GNL2: variants seen among roughly 807,000 people sequenced by gnomAD.
GNL2 encodes the protein G protein nucleolar 2.
A neutral mutation model predicts 92.3 loss-of-function variants in GNL2; 51 were observed. The ratio of observed to expected loss-of-function variants is 0.55; its 90% CI spans 0.44 to 0.70. The LOEUF (loss-of-function observed/expected upper bound fraction) is 0.70, where lower values mean the gene tolerates loss of function less well. Ranked by LOEUF, GNL2 falls within the 30% of genes least tolerant of loss-of-function variation. The probability of loss-of-function intolerance (pLI) is 0.00; values close to 1 mark genes in which losing one functional copy is unlikely to be tolerated. For synonymous variants in GNL2, 283 were observed against 300.6 expected (o/e 0.94, Z 0.61); for missense variants, 844 against 895.6 (o/e 0.94, Z 0.74).
At chr1:37,572,989 T>C (rs1195246607) in intron 12 of GNL2, among the ~76,000 whole-genome samples, 2 of 152,170 alleles carry the variant, frequency 1.3e-5, no homozygotes, top group Non-Finnish European at 1.5e-5. Context: ...CCTGCTGGAA[T>C]ATATGTGCAG....
chr1:37,570,285 A>C (rs1168689321), intron 12 of GNL2: 1 of 152,204 alleles, frequency 6.6e-6, no homozygotes, highest in Non-Finnish European at 1.5e-5. Context: ...TAATCCCAGC[A>C]CTTTGGGAGG....
At chr1:37,569,682 G>C (rs1487178388) in intron 12 of GNL2, 1 of 201,134 alleles carries the variant, frequency 5.0e-6, no homozygotes, top group Non-Finnish European at 1.0e-5. Context: ...GGATGTTACA[G>C]ATGAGAACAG....
intron 8 of GNL2, among the ~76,000 whole-genome samples, chr1:37,579,366 G>A (rs528678625): frequency 2.6e-5 from 4 of 152,070 alleles, no homozygotes; most frequent in South Asian, 4.2e-4. Flanking sequence ...TGACCAACAC[G>A]GAGAAGCCCC....
Position 37,576,588 on chromosome 1 carries a change from T to G in GNL2, c.910-32A>C, listed in dbSNP as rs752111692. On this transcript the variant is annotated intron_variant, in intron 8 of 15. Transcript: ENST00000373062. ...AAAGAGAGAATACACAGCACATACATGCAGTCATATATATCCCTTTGGACA... is the reference window on the plus strand; with the variant it reads ...AAAGAGAGAATACACAGCACATACAGGCAGTCATATATATCCCTTTGGACA... The G allele has an allele frequency of 9.3e-6, 15 of 1,606,942 alleles. No homozygotes were observed. The South Asian group carries it at 1.6e-4, about 17-fold the overall frequency.
At chr1:37,585,716 C>T (rs1280145153) in intron 5 of GNL2, among the ~76,000 whole-genome samples, 1 of 152,222 alleles carries the variant, frequency 6.6e-6, no homozygotes, top group East Asian at 1.9e-4. Flanking sequence ...TGCTTGGCCT[C>T]AAATGGCTTG....
At chr1:37,568,701 G>A (rs903068188) in intron 13 of GNL2, 150 bp downstream of exon 13, 9 of 672,956 alleles carry the variant, frequency 1.3e-5, no homozygotes, top group Admixed American at 2.6e-5. Flanking sequence ...GCAACATAGC[G>A]AGACGCCGTC....
Position 37,574,372 on chromosome 1 carries a change from G to A in GNL2, c.1387C>T (p.Pro463Ser). ...GGGGCCACAAGTGGCTCTGCATTGG[G>A]TGGCTTGACAAAGAAAGGAATCCGG... The part of the protein sequence containing the change: ...RGRIPFFVKP[P>S]NAEPLVAPQL... The change falls in exon 12 of 16, where the codon CCC becomes TCC. Residue 463 changes from proline to serine, a missense_variant. Coordinates refer to ENST00000373062, the MANE Select transcript of GNL2 (RefSeq NM_013285.3). 6.2e-7 allele frequency: 1 copy of A among 1,614,052 alleles called. No homozygotes were observed. The highest frequency in any genetic ancestry group is 8.5e-7 in the Non-Finnish European group (1 of 1,179,976).
rs1398023977 is a variant in GNL2 at position 37,582,784 on chromosome 1, C to G, written c.789G>C (p.Trp263Cys). 6.2e-7 allele frequency: 1 copy of G among 1,611,370 alleles called. No homozygotes were observed. The highest frequency in any genetic ancestry group is 8.5e-7 in the Non-Finnish European group (1 of 1,179,024). ...VLNKCDLVPTWATKRWVAVLS... is the reference protein window; with the variant it reads ...VLNKCDLVPTCATKRWVAVLS... Reference sequence around the variant, plus strand: ...GTTTAGTAGTTGTACTTACTGTTGCCCAGGTTGGAACAAGGTCACATTTGT... The same window carrying G: ...GTTTAGTAGTTGTACTTACTGTTGCGCAGGTTGGAACAAGGTCACATTTGT... The change falls in exon 7 of 16, where the codon TGG becomes TGC. Residue 263 changes from tryptophan (W) to cysteine (C), a missense_variant. Physicochemically the swap from Trp to Cys is radical, Grantham distance 215. Coordinates refer to ENST00000373062, the MANE Select transcript of GNL2 (RefSeq NM_013285.3).
Position 37,590,839 on chromosome 1 carries a change from GTGTTTCC to G in GNL2, c.245-1_250del. On this transcript the variant is annotated splice_acceptor_variant and coding_sequence_variant, in exon 4 of 16. Coordinates refer to ENST00000373062, the MANE Select transcript of GNL2 (RefSeq NM_013285.3). LOFTEE classifies it high-confidence loss of function. ...TAATGATGACTGCTTAATCACACGTGTGTTTCCTGTTTTACAAATAAAGAATGTTGCC... is the reference window on the plus strand; with the variant it reads ...TAATGATGACTGCTTAATCACACGTGTGTTTTACAAATAAAGAATGTTGCC... 6.4e-7 allele frequency: 1 copy of G among 1,565,600 alleles called. No homozygotes were observed. Among genetic ancestry groups the G allele is most frequent in the African/African-American group, 1.4e-5 (1 of 72,440 alleles).
intron 5 of GNL2, among the ~76,000 whole-genome samples, chr1:37,586,110 C>T (rs1018842965): frequency 5.9e-5 from 9 of 152,112 alleles, no homozygotes; most frequent in African/African-American, 2.2e-4. Context: ...TGAGACTGGC[C>T]ATAACAAACA....
chr1:37,576,393 T>C, intron 9 of GNL2, 35 bp downstream of exon 9: 1 of 1,593,752 alleles, frequency 6.3e-7, no homozygotes, highest in African/African-American at 1.3e-5. Context: ...GAAAAGAAAA[T>C]ATGCAAAAGT....
intron 7 of GNL2, 107 bp from the exon 8 acceptor site, chr1:37,582,443 T>TGTTGA: frequency 1.5e-6 from 1 of 653,768 alleles, no homozygotes; most frequent in Non-Finnish European, 2.6e-6. Flanking sequence ...TACTGTTGTC[T>TGTTGA]AAGGAAAATG....
At chr1:37,576,348 G>T in intron 9 of GNL2, 80 bp downstream of exon 9, 2 of 1,271,976 alleles carry the variant, frequency 1.6e-6, no homozygotes, top group Non-Finnish European at 2.2e-6. Context: ...GAGAAGCAGA[G>T]AGAAATCAAC....
intron 4 of GNL2, among the ~76,000 whole-genome samples, chr1:37,589,357 C>T (rs1381925929): frequency 2.0e-5 from 3 of 152,202 alleles, no homozygotes; most frequent in Non-Finnish European, 4.4e-5. Flanking sequence ...TGGGCTGGCA[C>T]GCAGTGGCGC....
chr1:37,589,885 G>A (rs1643877949), intron 4 of GNL2, among the ~76,000 whole-genome samples: 1 of 152,128 alleles, frequency 6.6e-6, no homozygotes, highest in Non-Finnish European at 1.5e-5. Context: ...AAAGCTGAAC[G>A]TACGCAACAC....
At chr1:37,569,329 T>A (rs774651907) in intron 12 of GNL2, 27 bp from the exon 13 acceptor site, 2 of 1,436,184 alleles carry the variant, frequency 1.4e-6, no homozygotes, top group East Asian at 2.3e-5. Context: ...ATGGGGGAAA[T>A]AAATAGAATC....
At chr1:37,588,430 T>C (rs926957330) in intron 4 of GNL2, among the ~76,000 whole-genome samples, 1 of 152,186 alleles carries the variant, frequency 6.6e-6, no homozygotes, top group African/African-American at 2.4e-5. Context: ...CTATTATCAT[T>C]TTCTCAGATG....
chr1:37,581,575 A>C (rs1643767788), intron 8 of GNL2: 1 of 455,404 alleles, frequency 2.2e-6, no homozygotes, highest in Non-Finnish European at 4.4e-6. Flanking sequence ...AACACTGGTC[A>C]CGGATGGGGG....
Position 37,582,302 on chromosome 1 carries a change from G to A in GNL2, c.830C>T (p.Pro277Leu). 3 of 1,613,158 alleles carry A rather than the reference G, an allele frequency of 1.9e-6. No individual in the cohort carries two copies. Among genetic ancestry groups the A allele is most frequent in the East Asian group, 2.2e-5 (1 of 44,846 alleles). ...RWVAVLSQDY[P>L]TLAFHASLTN... is the part of the protein sequence containing the mutation. Reference sequence around the variant, plus strand: ...AAGGCTTGCATGGAAAGCAAGTGTTGGATAATCCTGGGAGAGGACAGCAAC... The same window carrying A: ...AAGGCTTGCATGGAAAGCAAGTGTTAGATAATCCTGGGAGAGGACAGCAAC... Residue 277 changes from proline (P) to leucine (L), a missense_variant, in exon 8 of 16, where the codon CCA becomes CTA. By Grantham distance (98) the Pro-to-Leu change is moderately conservative. Transcript: ENST00000373062.
Sources: gnomAD v4.1 joint callset for allele counts (sites outside exome capture counted in the v4.1 genomes callset) on GRCh38, gnomAD v4.1.1 for gene constraint, MANE v1.5 for transcripts, NCBI Gene and HGNC (gene_info 2026-07-23, HGNC 2026-07-21) for gene names.